CENPF: variants seen among roughly 807,000 people sequenced by gnomAD.
The protein encoded by CENPF is centromere protein F.
In CENPF, 214 loss-of-function variants were observed where a neutral mutation model predicts 307.3. That is an observed-to-expected ratio of 0.70 (90% CI 0.62 to 0.78). The LOEUF (loss-of-function observed/expected upper bound fraction) is 0.78. Among genes scored for constraint, CENPF ranks in the 30% least tolerant of loss-of-function variants. The probability of loss-of-function intolerance (pLI) is 0.00; values close to 1 mark genes in which losing one functional copy is unlikely to be tolerated. For synonymous variants in CENPF, 1,259 were observed against 1,270.6 expected (o/e 0.99, Z 0.19); for missense variants, 3,401 against 3,483.9 (o/e 0.98, Z 0.60).
chr1:214,657,717 G>C (rs976085839), intron 18 of CENPF, among the ~76,000 whole-genome samples: 1 of 152,172 alleles, frequency 6.6e-6, no homozygotes. Flanking sequence ...TTTCCTACCC[G>C]TTGGTCATGT....
intron 7 of CENPF, among the ~76,000 whole-genome samples, chr1:214,628,493 G>A (rs1278565491): frequency 6.6e-6 from 1 of 152,074 alleles, no homozygotes; most frequent in African/African-American, 2.4e-5. Context: ...GCCCAGGCTG[G>A]AGTGCAGTGG....
chr1:214,622,312 A>G, intron 7 of CENPF, 31 bp downstream of exon 7: 1 of 1,497,136 alleles, frequency 6.7e-7, no homozygotes, highest in Admixed American at 2.0e-5. Context: ...TACTGGAGAA[A>G]TCTTCATCTT....
At chr1:214,624,718 T>C (rs1657605941) in intron 7 of CENPF, among the ~76,000 whole-genome samples, 1 of 152,224 alleles carries the variant, frequency 6.6e-6, no homozygotes, top group Non-Finnish European at 1.5e-5. Flanking sequence ...TTCATTGATT[T>C]TTTTTTTTCT....
intron 1 of CENPF, chr1:214,605,825 G>A (rs1440909820): frequency 1.6e-5 from 26 of 1,593,876 alleles, no homozygotes; most frequent in Non-Finnish European, 2.1e-5. Flanking sequence ...CAGCCCGTGC[G>A]AGAAGTCGAT....
intron 7 of CENPF, among the ~76,000 whole-genome samples, chr1:214,623,683 A>G (rs957547579): frequency 2.0e-5 from 3 of 152,068 alleles, no homozygotes; most frequent in Admixed American, 6.6e-5. Context: ...TGCCTGCTAT[A>G]TATTAGGCAC....
In CENPF at chr1:214,651,885, A is replaced by G. The variant is rs2102574173; in HGVS notation, c.8159A>G (p.Gln2720Arg). 2.5e-6 allele frequency: 4 copies of G among 1,598,964 alleles called. No individual in the cohort carries two copies. In the South Asian group the frequency reaches 3.4e-5, roughly 14 times the overall value. ...GCTTTGCTTTTGGACACAAACAAAC[A>G]GGTGAAATGTGGGGTTTGGTTACTG... ...HQALLLDTNKQYEVEIQTYRE... is the reference protein window; with the variant it reads ...HQALLLDTNKRYEVEIQTYRE... The change falls in exon 15 of 20, where the codon CAG (glutamine) becomes CGG (arginine). Residue 2720 changes from glutamine (Q) to arginine (R), a missense_variant and splice_region_variant. Coordinates refer to ENST00000366955, the MANE Select transcript of CENPF (RefSeq NM_016343.4).
chr1:214,634,050 T>G (rs1657882964), intron 10 of CENPF, among the ~76,000 whole-genome samples: 1 of 152,236 alleles, frequency 6.6e-6, no homozygotes, highest in South Asian at 2.1e-4. Flanking sequence ...GGCTGGACAT[T>G]GTCTTGCAGG....
Position 214,655,371 on chromosome 1 carries a change from A to G in CENPF, c.8453A>G (p.Gln2818Arg), listed in dbSNP as rs770233494. 2 of 1,607,022 alleles carry G rather than the reference A, an allele frequency of 1.2e-6. No homozygotes were observed. The highest frequency in any genetic ancestry group is 8.5e-7 in the Non-Finnish European group (1 of 1,177,292). The change falls in exon 17 of 20, where the codon CAA becomes CGA. Residue 2818 changes from glutamine (Q) to arginine (R), a missense_variant. Physicochemically the swap from Gln to Arg is conservative, Grantham distance 43. Transcript: ENST00000366955. The part of the protein sequence containing the change: ...EKEILQKELS[Q>R]LQAAQEKQKT... The stretch of plus-strand genomic sequence containing the variant: ...GAGATACTGCAGAAAGAACTCTCTC[A>G]ACTTCAAGCTGCACAGGAGAAGCAG...
intron 7 of CENPF, among the ~76,000 whole-genome samples, chr1:214,623,304 G>A (rs775563967): frequency 2.0e-5 from 3 of 152,098 alleles, no homozygotes; most frequent in Non-Finnish European, 4.4e-5. Context: ...ATTTTACATA[G>A]CATATACATA....
At position 214,657,237 on chromosome 1, in the gene CENPF, C is replaced by T. The variant is rs189461485; in HGVS notation, c.8790C>T (p.Gly2930=). The change falls in exon 18 of 20, where the codon GGC becomes GGT. Residue 2930 remains glycine (G), a synonymous_variant. Transcript: ENST00000366955. ...CATCTGGCCAAAATAAAGCTTCAGG[C>T]AAGAGGCAAAGATCCAGTGGAATAT... ...RLSSGQNKAS[G]KRQRSSGIWE... The T allele has an allele frequency of 8.1e-6, 13 of 1,614,062 alleles. No individual in the cohort carries two copies. In the Admixed American group the frequency reaches 1.8e-4, roughly 23 times the overall value.
In CENPF at chr1:214,632,573, A is replaced by G. The variant is rs962508545; in HGVS notation, c.1417A>G (p.Lys473Glu). The G allele has an allele frequency of 1.2e-6, 2 of 1,613,942 alleles. No homozygotes were observed. Among genetic ancestry groups the G allele is most frequent in the Non-Finnish European group, 1.7e-6 (2 of 1,179,952 alleles). The change falls in exon 10 of 20, where the codon AAG becomes GAG. Residue 473 changes from lysine (K) to glutamate (E), a missense_variant. Coordinates refer to ENST00000366955, the MANE Select transcript of CENPF (RefSeq NM_016343.4). ...AEQAFQASQI[K>E]ENELRRSMEE... ...ACAGGCGTTCCAGGCGAGTCAGATC[A>G]AGGAGAATGAGCTGAGGAGAAGCAT...
chr1:214,635,265 T>G (rs1234691398), intron 10 of CENPF, among the ~76,000 whole-genome samples: 3 of 152,224 alleles, frequency 2.0e-5, no homozygotes, highest in African/African-American at 7.2e-5. Flanking sequence ...GGGGACGTAT[T>G]AAGCTATATT....
chr1:214,621,819 T>C lies in CENPF; in HGVS notation c.866-260T>C, dbSNP rs182149847. On this transcript the variant is annotated intron_variant, in intron 6 of 19. Transcript: ENST00000366955. Reference sequence around the variant, plus strand: ...TCAATAAGAAGATAGCGTTCCTGATTTTAGAAAAGCATTCCCCCCACCAAG... The same window carrying C: ...TCAATAAGAAGATAGCGTTCCTGATCTTAGAAAAGCATTCCCCCCACCAAG... Among the ~76,000 whole-genome samples, 4 of 152,348 alleles carry C rather than the reference T, an allele frequency of 2.6e-5. No individual in the cohort carries two copies. In the East Asian group the frequency reaches 7.7e-4, roughly 29 times the overall value.
chr1:214,642,925 C>A lies in CENPF; in HGVS notation c.4587C>A (p.Ser1529Arg). 1 of 1,613,608 alleles carries A rather than the reference C, an allele frequency of 6.2e-7. No individual in the cohort carries two copies. Among genetic ancestry groups the A allele is most frequent in the South Asian group, 1.1e-5 (1 of 91,028 alleles). The change falls in exon 12 of 20, where the codon AGC becomes AGA. Residue 1529 changes from serine (S) to arginine (R), a missense_variant. Coordinates refer to ENST00000366955, the MANE Select transcript of CENPF (RefSeq NM_016343.4). ...NQCSVDEVFC[S>R]SLQEENLTRK... ...GCAGTGTAGATGAAGTATTTTGCAGCAGTCTGCAGGAGGAGAATCTGACCA... is the reference window on the plus strand; with the variant it reads ...GCAGTGTAGATGAAGTATTTTGCAGAAGTCTGCAGGAGGAGAATCTGACCA...
intron 1 of CENPF, among the ~76,000 whole-genome samples, chr1:214,608,027 G>T (rs1055323143): frequency 6.6e-6 from 1 of 152,178 alleles, no homozygotes; most frequent in East Asian, 1.9e-4. Flanking sequence ...TGGCATCCAC[G>T]CCCCTGTGAC....
At chr1:214,657,992 A>G (rs1470759170) in intron 18 of CENPF, among the ~76,000 whole-genome samples, 2 of 152,176 alleles carry the variant, frequency 1.3e-5, no homozygotes, top group Non-Finnish European at 2.9e-5. Flanking sequence ...CATGTTTTCT[A>G]TTGATTTGTT....
chr1:214,615,914 A>G (rs538543821), intron 3 of CENPF, among the ~76,000 whole-genome samples: 1 of 152,142 alleles, frequency 6.6e-6, no homozygotes, highest in South Asian at 2.1e-4. Context: ...CTTATAGCAC[A>G]TTTGGTTTTA....
chr1:214,641,513 G>T lies in CENPF; in HGVS notation c.3175G>T (p.Glu1059Ter), dbSNP rs1658113487. ...TTCTAAATTAGAATGCTTGCTAAATGAATGCACTAGTCTTTGTGAAAATAG... is the reference window on the plus strand; with the variant it reads ...TTCTAAATTAGAATGCTTGCTAAATTAATGCACTAGTCTTTGTGAAAATAG... ...KNSKLECLLN[E>*]CTSLCENRKN... The change falls in exon 12 of 20, where the codon GAA becomes TAA. Residue 1059 changes from glutamate (E) to a stop codon, truncating the protein, a stop_gained. Coordinates refer to ENST00000366955, the MANE Select transcript of CENPF (RefSeq NM_016343.4). LOFTEE classifies it high-confidence loss of function. The T allele has an allele frequency of 6.6e-7, 1 of 1,521,038 alleles. No homozygotes were observed. The highest frequency in any genetic ancestry group is 8.8e-7 in the Non-Finnish European group (1 of 1,141,210). The allele number at this position is 1,521,038 out of a possible 1,614,324, so 94.2% of individuals were successfully genotyped here.
intron 19 of CENPF, among the ~76,000 whole-genome samples, chr1:214,662,105 T>A (rs1658801253): frequency 6.6e-6 from 1 of 152,148 alleles, no homozygotes; most frequent in African/African-American, 2.4e-5. Context: ...AGCCATTTGA[T>A]TGGGATAAAG....
Sources: gnomAD v4.1 joint callset for allele counts (sites outside exome capture counted in the v4.1 genomes callset) on GRCh38, gnomAD v4.1.1 for gene constraint, MANE v1.5 for transcripts, NCBI Gene and HGNC (gene_info 2026-07-23, HGNC 2026-07-21) for gene names.